Variants in PRKCE observed in about 807,000 individuals in gnomAD.
PRKCE encodes protein kinase C epsilon, also known as protein kinase C epsilon type.
PRKCE carries 16 observed loss-of-function variants against 85.4 expected under a neutral mutation model. The observed-to-expected ratio is 0.19, with a 90% CI of 0.13 to 0.28. The LOEUF (loss-of-function observed/expected upper bound fraction) is 0.28. Ranked by LOEUF, PRKCE falls within the 10% of genes least tolerant of loss-of-function variation. PRKCE has a pLI of 1.00. For missense variants in PRKCE, 573 were observed against 975.2 expected, an observed-to-expected ratio of 0.59 and a Z score of 5.49; for synonymous variants, 388 against 371.5, an observed-to-expected ratio of 1.04 and a Z score of -0.51.
At chr2:45,672,449 G>T (rs183852468) in intron 1 of PRKCE, among the ~76,000 whole-genome samples, 23 of 152,044 alleles carry the variant, frequency 1.5e-4, no homozygotes, top group South Asian at 2.1e-4. Flanking sequence ...CATCCATCCA[G>T]CCAGCCAGCC....
intron 1 of PRKCE, among the ~76,000 whole-genome samples, chr2:45,811,918 C>T (rs946219928): frequency 3.3e-5 from 5 of 152,210 alleles, no homozygotes; most frequent in African/African-American, 1.2e-4. Flanking sequence ...TACACACAGA[C>T]ACACACACCC....
intron 2 of PRKCE, among the ~76,000 whole-genome samples, chr2:45,921,931 A>T (rs1698279217): frequency 2.0e-5 from 3 of 152,350 alleles, no homozygotes; most frequent in South Asian, 4.1e-4. Flanking sequence ...TAGTGGAGAT[A>T]GGATTATATT....
chr2:45,870,342 T>A (rs1693992274), intron 2 of PRKCE, among the ~76,000 whole-genome samples: 1 of 152,212 alleles, frequency 6.6e-6, no homozygotes, highest in Non-Finnish European at 1.5e-5. Context: ...AAAGATCCTG[T>A]GTAGACTCAG....
At chr2:46,003,635 A>G (rs1704904306) in intron 7 of PRKCE, among the ~76,000 whole-genome samples, 1 of 152,236 alleles carries the variant, frequency 6.6e-6, no homozygotes, top group Non-Finnish European at 1.5e-5. Flanking sequence ...ATAAGATATA[A>G]ATAAGTGCCA....
chr2:46,044,419 G>C (rs1285401971), intron 10 of PRKCE, among the ~76,000 whole-genome samples: 1 of 152,184 alleles, frequency 6.6e-6, no homozygotes, highest in South Asian at 2.1e-4. Flanking sequence ...AGCTCATCTG[G>C]TGCTTTGGGG....
chr2:45,687,714 T>C (rs1011325071), intron 1 of PRKCE, among the ~76,000 whole-genome samples: 1 of 152,208 alleles, frequency 6.6e-6, no homozygotes, highest in African/African-American at 2.4e-5. Context: ...ATGGCTGGTA[T>C]AGGAGCACCT....
At position 46,184,211 on chromosome 2, in the gene PRKCE, C is replaced by A. The variant is rs1210941693; in HGVS notation, c.2068-524C>A. ...TTTAATAATTGAAAAAATACTGGAG[C>A]ACAAAATTGGGTTCGTGGTGAGAGT... On this transcript the variant is annotated intron_variant, in intron 14 of 14. Coordinates refer to ENST00000306156, the MANE Select transcript of PRKCE (RefSeq NM_005400.3). The surrounding 1 kb of genome is among the most constrained non-coding windows in gnomAD (Gnocchi z 5.0). 1.3e-5 allele frequency among the ~76,000 whole-genome samples: 2 copies of A among 152,092 alleles called. No individual in the cohort carries two copies. The highest frequency in any genetic ancestry group is 4.8e-5 in the African/African-American group (2 of 41,386).
At chr2:46,081,212 C>G (rs543437506) in intron 10 of PRKCE, among the ~76,000 whole-genome samples, 10 of 152,244 alleles carry the variant, frequency 6.6e-5, no homozygotes, top group African/African-American at 2.4e-4. Context: ...AGGCCTCAAG[C>G]CATCCTGCCA....
In PRKCE at chr2:46,145,801, G is replaced by A. The variant is rs905712224; in HGVS notation, c.1731+570G>A. Among the ~76,000 whole-genome samples the A allele has an allele frequency of 6.6e-6, 1 of 152,132 alleles. No homozygotes were observed. Among genetic ancestry groups the A allele is most frequent in the Non-Finnish European group, 1.5e-5 (1 of 68,030 alleles). Reference sequence around the variant, plus strand: ...AAGGATCAATTGAGCCCAGAAGGTTGAGGCTATAGTGAGCCATAATTGCAC... The same window carrying A: ...AAGGATCAATTGAGCCCAGAAGGTTAAGGCTATAGTGAGCCATAATTGCAC... On this transcript the variant is annotated intron_variant, in intron 12 of 14. Transcript: ENST00000306156. The surrounding 1 kb of genome is among the most constrained non-coding windows in gnomAD (Gnocchi z 4.6).
intron 11 of PRKCE, among the ~76,000 whole-genome samples, chr2:46,101,236 G>A (rs905000142): frequency 4.6e-5 from 7 of 152,116 alleles, no homozygotes; most frequent in African/African-American, 1.7e-4. Flanking sequence ...AATTTAGGTG[G>A]GGATGGCAGA....
intron 10 of PRKCE, among the ~76,000 whole-genome samples, chr2:46,055,531 C>A (rs1431060269): frequency 6.6e-6 from 1 of 152,238 alleles, no homozygotes; most frequent in East Asian, 1.9e-4. Context: ...ATAGGATACC[C>A]TTTGTCTATA....
intron 1 of PRKCE, among the ~76,000 whole-genome samples, chr2:45,811,469 TAGAA>T (rs1287692010): frequency 6.6e-6 from 1 of 152,212 alleles, no homozygotes; most frequent in African/African-American, 2.4e-5. Context: ...AAAGGAATAA[TAGAA>T]AGGACGAATG....
chr2:45,992,183 G>A (rs1448868174), intron 6 of PRKCE, among the ~76,000 whole-genome samples: 1 of 152,136 alleles, frequency 6.6e-6, no homozygotes, highest in Non-Finnish European at 1.5e-5. Context: ...GAATGCCACA[G>A]GAGTGCTTTG....
intron 10 of PRKCE, among the ~76,000 whole-genome samples, chr2:46,026,901 C>T (rs1376852382): frequency 1.3e-5 from 2 of 152,112 alleles, no homozygotes; most frequent in African/African-American, 2.4e-5. Flanking sequence ...TAAAGAAAAG[C>T]AAGGGGCCGG....
rs992657941 is a variant in PRKCE at position 46,068,134 on chromosome 2, G to C, written c.1438-18074G>C. 2.0e-5 allele frequency among the ~76,000 whole-genome samples: 3 copies of C among 152,114 alleles called. No individual in the cohort carries two copies. Among genetic ancestry groups the C allele is most frequent in the Admixed American group, 1.3e-4 (2 of 15,266 alleles). On this transcript the variant is annotated intron_variant, in intron 10 of 14. Transcript: ENST00000306156. This position sits in a 1 kb window ranked among gnomAD's most constrained non-coding sequence, Gnocchi z 4.3. ...TTATCAGTGGGTAGAATCTCCCTTTGAGATTCTTAACAGAGGGTCATGAAT... is the reference window on the plus strand; with the variant it reads ...TTATCAGTGGGTAGAATCTCCCTTTCAGATTCTTAACAGAGGGTCATGAAT...
Position 46,081,443 on chromosome 2 carries a change from C to G in PRKCE, c.1438-4765C>G, listed in dbSNP as rs79713753. Among the ~76,000 whole-genome samples, 1,095 of 152,306 alleles carry G rather than the reference C, an allele frequency of 7.2e-3. 17 individuals are homozygous for G. Among genetic ancestry groups the G allele is most frequent in the East Asian group, 0.038 (198 of 5,184 alleles). On this transcript the variant is annotated intron_variant, in intron 10 of 14. Coordinates refer to ENST00000306156, the MANE Select transcript of PRKCE (RefSeq NM_005400.3). ...GCCAGAGTTACCAACAGTTCCTGCC[C>G]TCATGAAGCACACAGACTACGGCGG...
rs535701638 is a variant in PRKCE, at chr2:45,938,182, A to AGGGCT, written c.413-38245_413-38241dup. Among the ~76,000 whole-genome samples, 471 of 152,308 alleles carry AGGGCT rather than the reference A, an allele frequency of 3.1e-3. 2 individuals are homozygous for AGGGCT. Among genetic ancestry groups the AGGGCT allele is most frequent in the Admixed American group, 5.1e-3 (78 of 15,294 alleles). On this transcript the variant is annotated intron_variant, in intron 2 of 14. Coordinates refer to ENST00000306156, the MANE Select transcript of PRKCE (RefSeq NM_005400.3). ...CCATCTGCTCTCTTAGCCTCAGGGC[A>AGGGCT]GGGCTGATGGGGGTGGTATTTAGTC...
chr2:46,123,017 G>C (rs1673469996), intron 11 of PRKCE, among the ~76,000 whole-genome samples: 2 of 149,774 alleles, frequency 1.3e-5, no homozygotes. Context: ...TCTGAGGAAA[G>C]ATCCTAGAAA....
At chr2:45,665,784 T>A (rs145084806) in intron 1 of PRKCE, among the ~76,000 whole-genome samples, 1 of 152,326 alleles carries the variant, frequency 6.6e-6, no homozygotes, top group East Asian at 1.9e-4. Flanking sequence ...CAATTCAAAT[T>A]TAGCTTGGCC....
Sources: allele counts gnomAD v4.1 joint callset (sites outside exome capture counted in the v4.1 genomes callset), GRCh38; gene constraint gnomAD v4.1.1; non-coding constraint Gnocchi (gnomAD v3.1); transcripts MANE v1.5; gene names NCBI Gene and HGNC (gene_info 2026-07-23, HGNC 2026-07-21).